PRKN: variants seen among roughly 807,000 people sequenced by gnomAD.
PRKN encodes the protein E3 ubiquitin-protein ligase parkin.
In PRKN, 56 loss-of-function variants were observed where a neutral mutation model predicts 59.5. That is an observed-to-expected ratio of 0.94 (90% CI 0.76 to 1.18). The LOEUF is 1.18. PRKN is among the 50% of genes most tolerant of loss of function. The pLI, the probability that PRKN is intolerant of heterozygous loss-of-function variation, is 0.00. For missense variants in PRKN, 657 were observed against 596.4 expected, an observed-to-expected ratio of 1.10 and a Z score of -1.06; for synonymous variants, 250 against 222.1, an observed-to-expected ratio of 1.13 and a Z score of -1.12.
rs1777586807 is a variant in PRKN, at chr6:161,895,553, GCCCACCCCA to G, written c.734+77740_734+77748del. On this transcript the variant is annotated intron_variant, in intron 6 of 11. Transcript: ENST00000366898. ...TGAGGCTTCTGAGATTCAGGAGCAC[GCCCACCCCA>G]CCTGCCGTTATACACCCCAGTGAGG... Among the ~76,000 whole-genome samples, 2 of 109,892 alleles carry G rather than the reference GCCCACCCCA, an allele frequency of 1.8e-5. 1 individual carries two copies. Among genetic ancestry groups the G allele is most frequent in the Non-Finnish European group, 3.8e-5 (2 of 52,178 alleles). 72.1% of individuals were successfully genotyped at this position (109,892 alleles called of 152,430 possible). A position where few individuals can be genotyped will look rare whatever the true frequency, so the allele number is the denominator to read the frequency against.
chr6:161,491,927 C>T (rs577169129), intron 9 of PRKN, among the ~76,000 whole-genome samples: 17 of 152,276 alleles, frequency 1.1e-4, no homozygotes, highest in African/African-American at 2.9e-4. Context: ...CCACCGTGCC[C>T]GGCCTATGAC....
chr6:162,662,006 C>G (rs1424886628), intron 1 of PRKN, among the ~76,000 whole-genome samples: 21 of 152,102 alleles, frequency 1.4e-4, no homozygotes, highest in African/African-American at 5.1e-4. Flanking sequence ...TATTATTCCA[C>G]TATGTCCATG....
rs1055690134 is a variant in PRKN at position 161,407,981 on chromosome 6, ACT to A, written c.1084-21106_1084-21105del. On this transcript the variant is annotated intron_variant, in intron 9 of 11. Transcript: ENST00000366898. This position sits in a 1 kb window ranked among gnomAD's most constrained non-coding sequence, Gnocchi z 4.9. ...GCCCCTCTCCTATCTCCCTTCGCTG[ACT>A]CTCTTTTTGGACTCAGCCCACTTGC... 4.0e-4 allele frequency among the ~76,000 whole-genome samples: 61 copies of A among 151,836 alleles called. No individual in the cohort carries two copies. Among genetic ancestry groups the A allele is most frequent in the African/African-American group, 1.4e-3 (58 of 41,396 alleles).
At chr6:161,835,291 A>G (rs1420341283) in intron 6 of PRKN, among the ~76,000 whole-genome samples, 1 of 152,084 alleles carries the variant, frequency 6.6e-6, no homozygotes, top group African/African-American at 2.4e-5. Context: ...AACTGACTTG[A>G]GCGTATGGTG....
chr6:161,384,551 T>C (rs945450060), intron 10 of PRKN, among the ~76,000 whole-genome samples: 2 of 152,138 alleles, frequency 1.3e-5, no homozygotes, highest in African/African-American at 4.8e-5. Context: ...TCAAAAAAAA[T>C]GAAATAATGT....
At chr6:162,600,551 T>C (rs1210829009) in intron 1 of PRKN, among the ~76,000 whole-genome samples, 1 of 152,198 alleles carries the variant, frequency 6.6e-6, no homozygotes, top group African/African-American at 2.4e-5. Context: ...TAATCACAGA[T>C]GGTGATGTGG....
intron 7 of PRKN, among the ~76,000 whole-genome samples, chr6:161,595,352 A>T (rs1781877032): frequency 6.6e-6 from 1 of 152,182 alleles, no homozygotes; most frequent in Non-Finnish European, 1.5e-5. Context: ...TTTCATACAC[A>T]CAGACAAGAG....
At chr6:162,638,620 T>C (rs1304906945) in intron 1 of PRKN, among the ~76,000 whole-genome samples, 1 of 152,216 alleles carries the variant, frequency 6.6e-6, no homozygotes, top group African/African-American at 2.4e-5. Context: ...TTGAATCTTT[T>C]GGAAACCTTA....
chr6:161,963,589 G>T (rs1255605894), intron 6 of PRKN, among the ~76,000 whole-genome samples: 1 of 152,114 alleles, frequency 6.6e-6, no homozygotes, highest in South Asian at 2.1e-4. Flanking sequence ...CTTCAAAATT[G>T]GACATTTCCC....
rs140774957 is a variant in PRKN, at chr6:161,890,979, G to A, written c.734+82323C>T. ...TGGGCTACTGTGATCTATCGTCAGA[G>A]TTTCTCAATCCATTCTCAAGATACC... On this transcript the variant is annotated intron_variant, in intron 6 of 11. Coordinates refer to ENST00000366898, the MANE Select transcript of PRKN (RefSeq NM_004562.3). Among the ~76,000 whole-genome samples the A allele has an allele frequency of 5.2e-3, 799 of 152,232 alleles. 3 individuals are homozygous for A. The highest frequency in any genetic ancestry group is 0.014 in the African/African-American group (597 of 41,532).
At chr6:161,628,180 A>G (rs910357115) in intron 7 of PRKN, among the ~76,000 whole-genome samples, 4 of 152,236 alleles carry the variant, frequency 2.6e-5, no homozygotes, top group African/African-American at 9.6e-5. Context: ...TTAGTCCAAT[A>G]AAGAGTGTAA....
chr6:161,594,569 T>G (rs930534566), intron 7 of PRKN, among the ~76,000 whole-genome samples: 9 of 152,222 alleles, frequency 5.9e-5, no homozygotes, highest in Admixed American at 6.5e-5. Context: ...AGTCAAACTG[T>G]CTGCTTTAGA....
At chr6:161,716,637 A>C (rs1161805317) in intron 7 of PRKN, among the ~76,000 whole-genome samples, 1 of 152,232 alleles carries the variant, frequency 6.6e-6, no homozygotes. Context: ...AACAAAGGCT[A>C]TGTACTTAAG....
chr6:161,398,410 T>C (rs971129568), intron 9 of PRKN, among the ~76,000 whole-genome samples: 4 of 152,128 alleles, frequency 2.6e-5, no homozygotes, highest in African/African-American at 7.2e-5. Flanking sequence ...CCCAGGAGCA[T>C]GTCAGAAAAC....
chr6:162,285,053 A>G (rs576485977), intron 2 of PRKN, among the ~76,000 whole-genome samples: 1 of 152,278 alleles, frequency 6.6e-6, no homozygotes, highest in African/African-American at 2.4e-5. Context: ...CACGGAGAAG[A>G]CATCTGTAAG....
At chr6:162,268,101 C>T (rs151008410) in intron 2 of PRKN, among the ~76,000 whole-genome samples, 10 of 152,074 alleles carry the variant, frequency 6.6e-5, no homozygotes, top group Non-Finnish European at 1.5e-4. Flanking sequence ...TATACTTAGC[C>T]GTATATTGCA....
intron 1 of PRKN, among the ~76,000 whole-genome samples, chr6:162,681,792 G>C (rs375070522): frequency 6.6e-6 from 1 of 151,964 alleles, no homozygotes; most frequent in East Asian, 1.9e-4. Context: ...AAACCTCTAG[G>C]GGGTATTTGG....
intron 4 of PRKN, among the ~76,000 whole-genome samples, chr6:162,136,213 T>C (rs1461039812): frequency 1.3e-5 from 2 of 151,840 alleles, no homozygotes; most frequent in African/African-American, 4.8e-5. Context: ...TGTGTGTTCA[T>C]ATATACATGC....
intron 7 of PRKN, among the ~76,000 whole-genome samples, chr6:161,663,936 C>A (rs751914010): frequency 1.3e-5 from 2 of 152,118 alleles, no homozygotes; most frequent in Non-Finnish European, 2.9e-5. Flanking sequence ...CCTAGCTGGC[C>A]CCAGAATCAA....
Sources: allele counts gnomAD v4.1 joint callset (sites outside exome capture counted in the v4.1 genomes callset), GRCh38; gene constraint gnomAD v4.1.1; non-coding constraint Gnocchi (gnomAD v3.1); transcripts MANE v1.5; gene names NCBI Gene and HGNC (gene_info 2026-07-23, HGNC 2026-07-21).